SPG11: variants seen among roughly 807,000 people sequenced by gnomAD.
SPG11 encodes spatacsin.
In SPG11, 222 loss-of-function variants were observed where a neutral mutation model predicts 274.0. The ratio of observed to expected loss-of-function variants is 0.81; its 90% CI spans 0.73 to 0.91. The LOEUF (loss-of-function observed/expected upper bound fraction) is 0.91. Among genes scored for constraint, SPG11 ranks in the 40% least tolerant of loss-of-function variants. The probability of loss-of-function intolerance (pLI) is 0.00; values close to 1 mark genes in which losing one functional copy is unlikely to be tolerated. For synonymous variants in SPG11, 1,144 were observed against 1,039.7 expected (o/e 1.10, Z -1.93); for missense variants, 3,114 against 2,872.7 (o/e 1.08, Z -1.92).
At position 44,573,349 on chromosome 15, in the gene SPG11, A is replaced by G. The variant is rs2082464034; in HGVS notation, c.6205+198T>C. On this transcript the variant is annotated intron_variant, in intron 32 of 39. Coordinates refer to ENST00000261866, the MANE Select transcript of SPG11 (RefSeq NM_025137.4). Reference sequence around the variant, plus strand: ...GTGTAATCATAAAACAATAAAAAGCAACAGCATGTATTTTGTACATGTATT... The same window carrying G: ...GTGTAATCATAAAACAATAAAAAGCGACAGCATGTATTTTGTACATGTATT... 3 of 653,678 alleles carry G rather than the reference A, an allele frequency of 4.6e-6. No homozygotes were observed. The Admixed American group carries it at 7.3e-5, about 16-fold the overall frequency. The allele number at this position is 653,678 out of a possible 1,614,324, so 40.5% of individuals were successfully genotyped here. A position where few individuals can be genotyped will look rare whatever the true frequency, so the allele number is the denominator to read the frequency against.
At chr15:44,579,316 G>A (rs2082611495) in intron 30 of SPG11, among the ~76,000 whole-genome samples, 1 of 150,858 alleles carries the variant, frequency 6.6e-6, no homozygotes, top group Admixed American at 6.6e-5. Context: ...CCTGCAGTCA[G>A]GCGTTTGAGA....
intron 7 of SPG11, among the ~76,000 whole-genome samples, chr15:44,642,434 T>TTA (rs994359482): frequency 3.4e-5 from 5 of 146,326 alleles, no homozygotes; most frequent in African/African-American, 5.0e-5. Context: ...AAATATATAA[T>TTA]TATATATATA....
intron 25 of SPG11, 24 bp from the exon 26 acceptor site, chr15:44,595,483 C>G: frequency 6.2e-7 from 1 of 1,610,528 alleles, no homozygotes; most frequent in Non-Finnish European, 8.5e-7. Context: ...AATAAAATAA[C>G]AACTAGGCCT....
chr15:44,657,403 A>G (rs2084973023), intron 3 of SPG11, 107 bp from the exon 4 acceptor site: 7 of 1,021,194 alleles, frequency 6.9e-6, no homozygotes, highest in South Asian at 2.8e-5. Context: ...TTTTGTAGGT[A>G]TAACAGAAGA....
In SPG11 at chr15:44,657,093, A is replaced by G; in HGVS notation, c.869+2T>C. 6.2e-7 allele frequency: 1 copy of G among 1,613,600 alleles called. No individual in the cohort carries two copies. Among genetic ancestry groups the G allele is most frequent in the Non-Finnish European group, 8.5e-7 (1 of 1,179,646 alleles). On this transcript the variant is annotated splice_donor_variant, in intron 4 of 39. Transcript: ENST00000261866. LOFTEE classifies it high-confidence loss of function. ...AATTAGAAACTGCAGTCATCTACAT[A>G]CCTGAAATACAAATTTAAGTTAAGA...
At chr15:44,571,015 T>C (rs2082412389) in intron 33 of SPG11, among the ~76,000 whole-genome samples, 1 of 152,158 alleles carries the variant, frequency 6.6e-6, no homozygotes, top group Non-Finnish European at 1.5e-5. Flanking sequence ...CATTCTCTGC[T>C]TGTATCCCAG....
At chr15:44,597,921 A>G (rs2083085831) in intron 23 of SPG11, among the ~76,000 whole-genome samples, 1 of 152,154 alleles carries the variant, frequency 6.6e-6, no homozygotes, top group Non-Finnish European at 1.5e-5. Flanking sequence ...TTTTTTTCCA[A>G]TCCTCCAAGA....
chr15:44,651,391 A>C, intron 6 of SPG11, 100 bp downstream of exon 6: 2 of 1,005,858 alleles, frequency 2.0e-6, no homozygotes, highest in Admixed American at 2.0e-5. Context: ...CAATTACAAT[A>C]CCACTTAAAG....
At chr15:44,604,385 C>T (rs118111082) in intron 20 of SPG11, among the ~76,000 whole-genome samples, 2,859 of 152,172 alleles carry the variant, frequency 0.019, 33 homozygotes, top group Middle Eastern at 0.031. Context: ...ATTTGCTGAG[C>T]GTTTGTAAGG....
At chr15:44,576,219 A>G (rs1307029662) in intron 30 of SPG11, among the ~76,000 whole-genome samples, 3 of 148,218 alleles carry the variant, frequency 2.0e-5, no homozygotes, top group Non-Finnish European at 4.5e-5. Flanking sequence ...GGTTTCTATT[A>G]GGAAAAAAAA....
In SPG11 at chr15:44,583,822, A is replaced by G; in HGVS notation, c.5858T>C (p.Val1953Ala). Reference sequence around the variant, plus strand: ...TGATCTCCTTCACTTACTGCTGTGGACTCTCCTTAGGGGAATGTCGGGTGC... The same window carrying G: ...TGATCTCCTTCACTTACTGCTGTGGGCTCTCCTTAGGGGAATGTCGGGTGC... Reference protein sequence around the residue: ...EEAPDIPLRRVHSTSSLDSQK... With the variant: ...EEAPDIPLRRAHSTSSLDSQK... The change falls in exon 30 of 40, where the codon GTC becomes GCC. Residue 1953 changes from valine (V) to alanine (A), a missense_variant. By Grantham distance (64) the Val-to-Ala change is moderately conservative. Coordinates refer to ENST00000261866, the MANE Select transcript of SPG11 (RefSeq NM_025137.4). 1.2e-6 allele frequency: 2 copies of G among 1,613,846 alleles called. No homozygotes were observed. Among genetic ancestry groups the G allele is most frequent in the Non-Finnish European group, 1.7e-6 (2 of 1,179,992 alleles).
At chr15:44,567,987 T>A (rs1449736847) in intron 35 of SPG11, among the ~76,000 whole-genome samples, 1 of 152,246 alleles carries the variant, frequency 6.6e-6, no homozygotes. Context: ...CATGTAGCCA[T>A]TAAAACTTAT....
chr15:44,650,177 G>A (rs1254686323), intron 6 of SPG11, among the ~76,000 whole-genome samples: 1 of 152,174 alleles, frequency 6.6e-6, no homozygotes, highest in African/African-American at 2.4e-5. Flanking sequence ...CATGGGTACA[G>A]GGGCAAAGCA....
intron 30 of SPG11, among the ~76,000 whole-genome samples, chr15:44,580,597 T>A (rs1364211653): frequency 2.6e-5 from 4 of 152,146 alleles, no homozygotes; most frequent in Admixed American, 2.6e-4. Flanking sequence ...GCCAACATGG[T>A]GAAACCTTGT....
chr15:44,637,746 A>G (rs1185469721), intron 7 of SPG11, among the ~76,000 whole-genome samples: 2 of 152,206 alleles, frequency 1.3e-5, no homozygotes, highest in Non-Finnish European at 2.9e-5. Flanking sequence ...ATAGAGCTGA[A>G]AATTCCTACA....
intron 20 of SPG11, chr15:44,604,114 T>A (rs1371387253): frequency 2.3e-6 from 1 of 434,840 alleles, no homozygotes; most frequent in Non-Finnish European, 4.5e-6. Flanking sequence ...CCTGCTCTTG[T>A]TTTCAAAGTT....
intron 23 of SPG11, 167 bp from the exon 24 acceptor site, chr15:44,597,110 CTTTTTTTTTT>C (rs201600828): frequency 1.2e-5 from 4 of 345,276 alleles, no homozygotes; most frequent in Admixed American, 4.3e-5. Flanking sequence ...AAAGTAGATT[CTTTTTTTTTT>C]TTTTTTTTTT....
At chr15:44,578,196 T>C (rs2082585132) in intron 30 of SPG11, among the ~76,000 whole-genome samples, 2 of 150,724 alleles carry the variant, frequency 1.3e-5, no homozygotes, top group South Asian at 4.2e-4. Context: ...GGCTATTTTT[T>C]TTTTTTTTTT....
Position 44,633,772 on chromosome 15 carries a change from G to A in SPG11, c.1603-135C>T, listed in dbSNP as rs557885956. On this transcript the variant is annotated intron_variant, in intron 7 of 39. Coordinates refer to ENST00000261866, the MANE Select transcript of SPG11 (RefSeq NM_025137.4). Reference sequence around the variant, plus strand: ...GGCAAAAGACTGCATGAGTACATGGGCTCCAGTGAGGATTTTGACAATGAC... The same window carrying A: ...GGCAAAAGACTGCATGAGTACATGGACTCCAGTGAGGATTTTGACAATGAC... 9.5e-5 allele frequency: 78 copies of A among 817,626 alleles called. 1 individual carries two copies. The South Asian group carries it at 1.0e-3, about 11-fold the overall frequency. 50.6% of individuals were successfully genotyped at this position (817,626 alleles called of 1,614,324 possible). A position where few individuals can be genotyped will look rare whatever the true frequency, so the allele number is the denominator to read the frequency against.
Sources: gnomAD v4.1 joint callset for allele counts (sites outside exome capture counted in the v4.1 genomes callset) on GRCh38, gnomAD v4.1.1 for gene constraint, MANE v1.5 for transcripts, NCBI Gene and HGNC (gene_info 2026-07-23, HGNC 2026-07-21) for gene names.